The following KLK3 variants were observed in gnomAD, a reference collection of about 807,000 sequenced individuals.
KLK3 encodes the protein kallikrein related peptidase 3.
KLK3 carries 23 observed loss-of-function variants against 27.7 expected under a neutral mutation model. The ratio of observed to expected loss-of-function variants is 0.83; its 90% CI spans 0.60 to 1.17. The LOEUF is 1.17. Ranked by LOEUF, KLK3 falls within the 50% of genes most tolerant of loss-of-function variation. The pLI, the probability that KLK3 is intolerant of heterozygous loss-of-function variation, is 0.00. For synonymous variants in KLK3, 142 were observed against 134.2 expected (o/e 1.06, Z -0.40); for missense variants, 322 against 338.1 (o/e 0.95, Z 0.37).
intron 4 of KLK3, chr19:50,859,573 T>C: frequency 1.2e-6 from 2 of 1,613,754 alleles, no homozygotes; most frequent in Non-Finnish European, 1.7e-6. Context: ...GCCCTGCCGA[T>C]GGTCCTCCAT....
chr19:50,858,515 T>C lies in KLK3; in HGVS notation c.550T>C (p.Cys184Arg), dbSNP rs1190146217. The change falls in exon 4 of 5, where the codon TGT (cysteine) becomes CGT (arginine). Residue 184 changes from cysteine (C) to arginine (R), a missense_variant. Cys to Arg is a radical substitution (Grantham distance 180). Transcript: ENST00000326003. ...VDLHVISNDV[C>R]AQVHPQKVTK... is the part of the protein sequence containing the mutation. ...CCTCCATGTTATTTCCAATGACGTG[T>C]GTGCGCAAGTTCACCCTCAGAAGGT... is the stretch of plus-strand genomic sequence containing the variant. 1 of 1,614,180 alleles carries C rather than the reference T, an allele frequency of 6.2e-7. No individual in the cohort carries two copies. Among genetic ancestry groups the C allele is most frequent in the Admixed American group, 1.7e-5 (1 of 60,014 alleles).
rs146297845 is a variant in KLK3, at chr19:50,860,052, C to T, written c.711C>T (p.Pro237=). The T allele has an allele frequency of 2.0e-5, 32 of 1,613,952 alleles. No homozygotes were observed. The highest frequency in any genetic ancestry group is 5.3e-5 in the African/African-American group (4 of 74,912). ...TSWGSEPCAL[P]ERPSLYTKVV... ...GGGGCAGTGAACCATGTGCCCTGCC[C>T]GAAAGGCCTTCCCTGTACACCAAGG... Residue 237 remains proline (P), a synonymous_variant, in exon 5 of 5, where the codon CCC becomes CCT. Coordinates refer to ENST00000326003, the MANE Select transcript of KLK3 (RefSeq NM_001648.2).
At chr19:50,859,428 G>T (rs2090170420) in intron 4 of KLK3, 1 of 860,178 alleles carries the variant, frequency 1.2e-6, no homozygotes, top group Non-Finnish European at 1.9e-6. Context: ...TGACCTGGGG[G>T]TGGCTCCAGG....
intron 2 of KLK3, chr19:50,856,748 T>C (rs1303407917): frequency 4.1e-6 from 1 of 242,874 alleles, no homozygotes; most frequent in Non-Finnish European, 7.9e-6. Flanking sequence ...CTGGTCCCTC[T>C]CTAGCCAGTG....
Position 50,860,231 on chromosome 19 carries a change from G to A in KLK3, c.*104G>A. On this transcript the variant is annotated 3_prime_UTR_variant, in exon 5 of 5. Transcript: ENST00000326003. ...TACTGACCTTTGTCCTTAGGTGTGAGGTCCAGGGTTGCTAGGAAAAGAAAT... is the reference window on the plus strand; with the variant it reads ...TACTGACCTTTGTCCTTAGGTGTGAAGTCCAGGGTTGCTAGGAAAAGAAAT... The A allele has an allele frequency of 1.2e-6, 1 of 851,392 alleles. No individual in the cohort carries two copies. The allele number at this position is 851,392 out of a possible 1,614,324, so 52.7% of individuals were successfully genotyped here. A position where few individuals can be genotyped will look rare whatever the true frequency, so the allele number is the denominator to read the frequency against.
intron 1 of KLK3, 24 bp downstream of exon 1, chr19:50,855,025 G>T (rs1190921834): frequency 6.2e-7 from 1 of 1,612,796 alleles, no homozygotes; most frequent in Non-Finnish European, 8.5e-7. Flanking sequence ...TGGTTGGGGG[G>T]ATGCAGGAGA....
intron 4 of KLK3, 66 bp downstream of exon 4, chr19:50,858,661 G>T: frequency 6.9e-6 from 11 of 1,587,358 alleles, no homozygotes; most frequent in Non-Finnish European, 9.5e-6. Context: ...TCTGGGCTGG[G>T]GTCTAGAAGC....
At chr19:50,858,845 C>G (rs2090166492) in intron 4 of KLK3, 1 of 594,936 alleles carries the variant, frequency 1.7e-6, no homozygotes, top group Non-Finnish European at 3.0e-6. Context: ...TGCTATGCAC[C>G]CAGCACTGCC....
chr19:50,857,179 A>AAAAAAAAAAAAAG (rs1555770267), intron 2 of KLK3, among the ~76,000 whole-genome samples: 2 of 145,276 alleles, frequency 1.4e-5, no homozygotes, highest in African/African-American at 5.2e-5. Flanking sequence ...AAAAAAAAAA[A>AAAAAAAAAAAAAG]AAAAGAAAAG....
intron 4 of KLK3, 39 bp downstream of exon 4, chr19:50,858,634 T>C: frequency 1.9e-6 from 3 of 1,611,996 alleles, no homozygotes; most frequent in Non-Finnish European, 1.7e-6. Context: ...AGGGGAAAGG[T>C]GAGTGGGGAC....
chr19:50,859,529 G>A (rs1284334810), intron 4 of KLK3: 2 of 1,611,474 alleles, frequency 1.2e-6, no homozygotes, highest in African/African-American at 1.3e-5. Flanking sequence ...CCTACCCACA[G>A]TGGGTCATTC....
intron 1 of KLK3, 86 bp downstream of exon 1, chr19:50,855,087 C>A (rs1239764567): frequency 7.1e-7 from 1 of 1,399,572 alleles, no homozygotes; most frequent in South Asian, 1.2e-5. Context: ...CAACCCAGCA[C>A]CCCAGCCCAG....
chr19:50,860,205 C>A lies in KLK3; in HGVS notation c.*78C>A. On this transcript the variant is annotated 3_prime_UTR_variant, in exon 5 of 5. Transcript: ENST00000326003. ...GGCCAAGACTCAAGCCTCCCCAGTT[C>A]TACTGACCTTTGTCCTTAGGTGTGA... 8.8e-7 allele frequency: 1 copy of A among 1,131,448 alleles called. No homozygotes were observed. The highest frequency in any genetic ancestry group is 1.4e-5 in the South Asian group (1 of 70,728). The allele number at this position is 1,131,448 out of a possible 1,614,324, so 70.1% of individuals were successfully genotyped here.
intron 4 of KLK3, chr19:50,859,720 C>T: frequency 1.3e-6 from 2 of 1,546,664 alleles, no homozygotes; most frequent in Non-Finnish European, 1.8e-6. Flanking sequence ...AAGGACTGTC[C>T]TCGTGGACCC....
chr19:50,857,961 G>T (rs1181073317), intron 2 of KLK3, 68 bp from the exon 3 acceptor site: 1 of 1,484,300 alleles, frequency 6.7e-7, no homozygotes, highest in Non-Finnish European at 9.0e-7. Flanking sequence ...CCTCCTCCTT[G>T]CTCCTCTGTC....
rs2090178610 is a variant in KLK3, at chr19:50,860,468, C to T, written c.*341C>T. The T allele has an allele frequency of 5.0e-6, 1 of 199,398 alleles. No homozygotes were observed. The highest frequency in any genetic ancestry group is 5.6e-5 in the Admixed American group (1 of 17,786). The allele number at this position is 199,398 out of a possible 1,614,324, so 12.4% of individuals were successfully genotyped here. On this transcript the variant is annotated 3_prime_UTR_variant, in exon 5 of 5. Coordinates refer to ENST00000326003, the MANE Select transcript of KLK3 (RefSeq NM_001648.2). ...AGTGGAGAGTGACATGTGCTGGACA[C>T]TGTCCATGAAGCACTGAGCAGAAGC...
At position 50,855,149 on chromosome 19, in the gene KLK3, C is replaced by T. The variant is rs564045448; in HGVS notation, c.46+148C>T. The T allele has an allele frequency of 3.1e-4, 223 of 709,258 alleles. 1 individual carries two copies. The African/African-American group carries it at 3.1e-3, about 10-fold the overall frequency. 43.9% of individuals were successfully genotyped at this position (709,258 alleles called of 1,614,324 possible). A position where few individuals can be genotyped will look rare whatever the true frequency, so the allele number is the denominator to read the frequency against. On this transcript the variant is annotated intron_variant, in intron 1 of 4. Coordinates refer to ENST00000326003, the MANE Select transcript of KLK3 (RefSeq NM_001648.2). ...CTCCCAGCCCCACTCCAAGCCCATA[C>T]CCCCAGCCCCTCCATATTGCAACAG...
At chr19:50,858,740 C>T (rs34750956) in intron 4 of KLK3, 145 bp downstream of exon 4, 87,708 of 806,578 alleles carry the variant, frequency 0.11, 5,186 homozygotes, top group Middle Eastern at 0.2. Context: ...CATCTCATTC[C>T]CTCCTTCCCT....
rs114038726 is a variant in KLK3, at chr19:50,856,187, C to T, written c.47-53C>T. On this transcript the variant is annotated intron_variant, in intron 1 of 4. Coordinates refer to ENST00000326003, the MANE Select transcript of KLK3 (RefSeq NM_001648.2). ...CCTAAATCCATCTCCTATCCGAGTCCCCCAGTTCCTCCTGTCAACCCTGAT... is the reference window on the plus strand; with the variant it reads ...CCTAAATCCATCTCCTATCCGAGTCTCCCAGTTCCTCCTGTCAACCCTGAT... 775 of 1,525,470 alleles carry T rather than the reference C, an allele frequency of 5.1e-4. 3 individuals are homozygous for T. The African/African-American group carries it at 8.9e-3, about 18-fold the overall frequency. The allele number at this position is 1,525,470 out of a possible 1,614,324, so 94.5% of individuals were successfully genotyped here. A position where few individuals can be genotyped will look rare whatever the true frequency, so the allele number is the denominator to read the frequency against.
Sources: allele counts gnomAD v4.1 joint callset (sites outside exome capture counted in the v4.1 genomes callset), GRCh38; gene constraint gnomAD v4.1.1; transcripts MANE v1.5; gene names NCBI Gene and HGNC (gene_info 2026-07-23, HGNC 2026-07-21).